Variants in BMPR1A observed in about 807,000 individuals in gnomAD.
The protein encoded by BMPR1A is bone morphogenetic protein receptor type 1A.
A neutral mutation model predicts 66.0 loss-of-function variants in BMPR1A; 7 were observed. That is an observed-to-expected ratio of 0.11 (90% CI 0.06 to 0.20). The LOEUF (loss-of-function observed/expected upper bound fraction) is 0.20. BMPR1A is among the 10% of genes least tolerant of loss of function. The probability of loss-of-function intolerance (pLI) is 1.00; values close to 1 mark genes in which losing one functional copy is unlikely to be tolerated. For synonymous variants in BMPR1A, 200 were observed against 229.7 expected (o/e 0.87, Z 1.17); for missense variants, 408 against 669.1 (o/e 0.61, Z 4.31).
At position 86,919,335 on chromosome 10, in the gene BMPR1A, C is replaced by T. The variant is rs1589291699; in HGVS notation, c.1032C>T (p.His344=). The T allele has an allele frequency of 1.2e-6, 2 of 1,613,588 alleles. No homozygotes were observed. The highest frequency in any genetic ancestry group is 8.5e-7 in the Non-Finnish European group (1 of 1,179,872). Residue 344 remains histidine, a synonymous_variant, in exon 10 of 13, where the codon CAC becomes CAT. Transcript: ENST00000372037. ...LAYSAACGLC[H]LHTEIYGTQG... ...ATTCAGCTGCCTGTGGTCTGTGCCACCTGCACACAGAAATTTATGGCACCC... is the reference window on the plus strand; with the variant it reads ...ATTCAGCTGCCTGTGGTCTGTGCCATCTGCACACAGAAATTTATGGCACCC...
intron 1 of BMPR1A, among the ~76,000 whole-genome samples, chr10:86,825,164 C>T (rs1376531767): frequency 6.7e-6 from 1 of 150,172 alleles, no homozygotes; most frequent in Non-Finnish European, 1.5e-5. Flanking sequence ...AGTGCAATGG[C>T]GTGATCATTG....
intron 2 of BMPR1A, among the ~76,000 whole-genome samples, chr10:86,866,057 C>T (rs968868094): frequency 6.6e-6 from 1 of 152,144 alleles, no homozygotes; most frequent in Non-Finnish European, 1.5e-5. Context: ...CTGACAGGAA[C>T]AGCGAACCAA....
intron 3 of BMPR1A, chr10:86,889,688 A>G (rs186115896): frequency 4.8e-4 from 113 of 237,846 alleles, no homozygotes; most frequent in African/African-American, 2.3e-3. Context: ...GGGAAACTCA[A>G]CTGCATAATT....
At chr10:86,907,573 G>A (rs1452695853) in intron 7 of BMPR1A, among the ~76,000 whole-genome samples, 1 of 148,638 alleles carries the variant, frequency 6.7e-6, no homozygotes, top group Admixed American at 6.7e-5. Flanking sequence ...GGAATCAACC[G>A]TGTCCATCAG....
chr10:86,881,554 T>C (rs1842985480), intron 3 of BMPR1A, among the ~76,000 whole-genome samples: 1 of 152,192 alleles, frequency 6.6e-6, no homozygotes, highest in African/African-American at 2.4e-5. Flanking sequence ...GCAGCTGCAT[T>C]TCAGCGCTCA....
chr10:86,809,081 CATT>C (rs1841930710), intron 1 of BMPR1A, among the ~76,000 whole-genome samples: 1 of 152,144 alleles, frequency 6.6e-6, no homozygotes, highest in South Asian at 2.1e-4. Context: ...TGAAAAATCT[CATT>C]TCAGTGATAG....
intron 2 of BMPR1A, among the ~76,000 whole-genome samples, chr10:86,858,122 AATTC>A (rs1469091775): frequency 1.3e-5 from 2 of 152,308 alleles, no homozygotes; most frequent in South Asian, 2.1e-4. Flanking sequence ...TTAATTTATT[AATTC>A]ATTTGCACAT....
intron 2 of BMPR1A, among the ~76,000 whole-genome samples, chr10:86,851,420 C>T (rs994863684): frequency 1.3e-5 from 2 of 152,166 alleles, no homozygotes; most frequent in Non-Finnish European, 2.9e-5. Flanking sequence ...GTAAAAAAAT[C>T]AGCTGACTAA....
At chr10:86,808,137 C>G (rs1036207899) in intron 1 of BMPR1A, among the ~76,000 whole-genome samples, 4 of 152,094 alleles carry the variant, frequency 2.6e-5, no homozygotes, top group African/African-American at 9.7e-5. Flanking sequence ...TGAGTTTTGG[C>G]ATATTGTGTC....
At chr10:86,798,707 AT>A (rs1315602069) in intron 1 of BMPR1A, among the ~76,000 whole-genome samples, 1 of 152,182 alleles carries the variant, frequency 6.6e-6, no homozygotes, top group Non-Finnish European at 1.5e-5. Flanking sequence ...TTGTATTGAG[AT>A]TTTGCCCAGT....
rs139146801 is a variant in BMPR1A, at chr10:86,905,065, T to C, written c.530+4939T>C. On this transcript the variant is annotated intron_variant, in intron 7 of 12. Transcript: ENST00000372037. ...AAAGAGAGGTCTGTCCGTCAGCATA[T>C]TAAGGTTTGTCTGTTTTGTTTGCCT... 3.1e-3 allele frequency among the ~76,000 whole-genome samples: 466 copies of C among 152,386 alleles called. 6 individuals are homozygous for C. The highest frequency in any genetic ancestry group is 0.03 in the South Asian group (145 of 4,824).
chr10:86,898,481 C>T (rs2133446562), intron 5 of BMPR1A, among the ~76,000 whole-genome samples: 1 of 152,250 alleles, frequency 6.6e-6, no homozygotes, highest in East Asian at 1.9e-4. Context: ...CGTAAGATCT[C>T]TTCGTACATT....
In BMPR1A at chr10:86,790,218, T is replaced by A. The variant is rs1467819587; in HGVS notation, c.-268+33299T>A. Among the ~76,000 whole-genome samples, 65 of 60,064 alleles carry A rather than the reference T, an allele frequency of 1.1e-3. 11 individuals carry two copies. The highest frequency in any genetic ancestry group is 1.3e-3 in the Non-Finnish European group (42 of 31,796). 39.4% of individuals were successfully genotyped at this position (60,064 alleles called of 152,430 possible). A position where few individuals can be genotyped will look rare whatever the true frequency, so the allele number is the denominator to read the frequency against. Reference sequence around the variant, plus strand: ...ATATATATATATATATATATATATATATATATATATATATATATCAAAACC... The same window carrying A: ...ATATATATATATATATATATATATAAATATATATATATATATATCAAAACC... On this transcript the variant is annotated intron_variant, in intron 1 of 12. Coordinates refer to ENST00000372037, the MANE Select transcript of BMPR1A (RefSeq NM_004329.3).
chr10:86,896,135 C>G (rs1843220854), intron 5 of BMPR1A, among the ~76,000 whole-genome samples: 2 of 143,658 alleles, frequency 1.4e-5, no homozygotes, highest in South Asian at 4.4e-4. Context: ...GCCTGGGTAA[C>G]AGAGCGAGAC....
At chr10:86,875,753 A>T (rs1384258895) in intron 2 of BMPR1A, 114 bp from the exon 3 acceptor site, 4 of 510,554 alleles carry the variant, frequency 7.8e-6, no homozygotes, top group Non-Finnish European at 1.4e-5. Context: ...TTAATCTTTT[A>T]AAATGTATTT....
chr10:86,861,704 G>A (rs1344144250), intron 2 of BMPR1A, among the ~76,000 whole-genome samples: 1 of 152,250 alleles, frequency 6.6e-6, no homozygotes, highest in Non-Finnish European at 1.5e-5. Context: ...ATTTGGGGAT[G>A]TGGTGTTTAC....
rs1168040667 is a variant in BMPR1A, at chr10:86,906,592, C to T, written c.531-5648C>T. Among the ~76,000 whole-genome samples the T allele has an allele frequency of 9.6e-5, 8 of 83,694 alleles. 3 individuals carry two copies. The highest frequency in any genetic ancestry group is 1.6e-4 in the Non-Finnish European group (8 of 49,704). 54.9% of individuals were successfully genotyped at this position (83,694 alleles called of 152,430 possible). On this transcript the variant is annotated intron_variant, in intron 7 of 12. Coordinates refer to ENST00000372037, the MANE Select transcript of BMPR1A (RefSeq NM_004329.3). ...AAAAGAAATTAGCCAGGCGTGGTGG[C>T]GGGCGCCTGTAGTCCCAGCTACTCG...
At chr10:86,892,482 GC>G (rs1843166465) in intron 5 of BMPR1A, among the ~76,000 whole-genome samples, 1 of 152,142 alleles carries the variant, frequency 6.6e-6, no homozygotes, top group Non-Finnish European at 1.5e-5. Context: ...TGGCTCTGTT[GC>G]CCAGGCTGGA....
chr10:86,912,467 G>T lies in BMPR1A; in HGVS notation c.675+83G>T, dbSNP rs560177844. 264 of 1,533,000 alleles carry T rather than the reference G, an allele frequency of 1.7e-4. No homozygotes were observed. In the African/African-American group the frequency reaches 3.3e-3, roughly 19 times the overall value. 95.0% of individuals were successfully genotyped at this position (1,533,000 alleles called of 1,614,324 possible). On this transcript the variant is annotated intron_variant, in intron 8 of 12. Transcript: ENST00000372037. The stretch of plus-strand genomic sequence containing the variant: ...GATGGTGGACAGTATAATTATTGCA[G>T]ATCAGGGAACAATAATGGACACATT...
Sources: gnomAD v4.1 joint callset for allele counts (sites outside exome capture counted in the v4.1 genomes callset) on GRCh38, gnomAD v4.1.1 for gene constraint, MANE v1.5 for transcripts, NCBI Gene and HGNC (gene_info 2026-07-23, HGNC 2026-07-21) for gene names.